Variants in OTOF observed in about 807,000 individuals in gnomAD.
OTOF encodes the protein otoferlin, also known as fer-1-like family member 2.
In OTOF, 218 loss-of-function variants were observed where a neutral mutation model predicts 236.8. The observed-to-expected ratio is 0.92, with a 90% CI of 0.82 to 1.03. The LOEUF (loss-of-function observed/expected upper bound fraction) is 1.03. OTOF is among the 50% of genes least tolerant of loss of function. OTOF has a pLI of 0.00. For missense variants in OTOF, 2,590 were observed against 2,694.4 expected, an observed-to-expected ratio of 0.96 and a Z score of 0.86; for synonymous variants, 1,041 against 1,072.5, an observed-to-expected ratio of 0.97 and a Z score of 0.57.
chr2:26,538,761 G>A lies in OTOF; in HGVS notation c.80-987C>T, dbSNP rs147739609. Among the ~76,000 whole-genome samples, 1,375 of 152,030 alleles carry A rather than the reference G, an allele frequency of 9.0e-3. 5 individuals carry two copies. Among genetic ancestry groups the A allele is most frequent in the Middle Eastern group, 0.014 (4 of 290 alleles). ...CACAGGCTCCCACCCACAGGTAGCT[G>A]ATGGTCTAGAAGGGAGGCCAGGAGC... On this transcript the variant is annotated intron_variant, in intron 1 of 46. Coordinates refer to ENST00000272371, the MANE Select transcript of OTOF (RefSeq NM_194248.3).
chr2:26,461,027 G>C lies in OTOF; in HGVS notation c.5537C>G (p.Ala1846Gly), dbSNP rs770709835. The C allele has an allele frequency of 3.7e-6, 5 of 1,357,658 alleles. No individual in the cohort carries two copies. Among genetic ancestry groups the C allele is most frequent in the Non-Finnish European group, 3.9e-6 (4 of 1,022,754 alleles). 84.1% of individuals were successfully genotyped at this position (1,357,658 alleles called of 1,614,324 possible). A position where few individuals can be genotyped will look rare whatever the true frequency, so the allele number is the denominator to read the frequency against. Reference protein sequence around the residue: ...DHFSADDFLGAIELDLNRFPR... With the variant: ...DHFSADDFLGGIELDLNRFPR... ...GAACCGGTTCAGGTCCAGCTCGATGGCCCCTGTGGCAACCTCAGTGTCAGC... is the reference window on the plus strand; with the variant it reads ...GAACCGGTTCAGGTCCAGCTCGATGCCCCCTGTGGCAACCTCAGTGTCAGC... The change falls in exon 44 of 47, where the codon GCC becomes GGC. Residue 1846 changes from alanine to glycine, a missense_variant. By Grantham distance (60) the Ala-to-Gly change is moderately conservative (BLOSUM62 0). This residue lies in a region of OTOF where 1,211 missense variants were observed against 1,352.8 expected (regional missense o/e 0.90). Transcript: ENST00000272371. This position sits in a 1 kb window ranked among gnomAD's most constrained non-coding sequence, Gnocchi z 6.2.
Position 26,458,087 on chromosome 2 carries a change from G to A in OTOF, c.*151C>T. 1 of 1,614,190 alleles carries A rather than the reference G, an allele frequency of 6.2e-7. No homozygotes were observed. The highest frequency in any genetic ancestry group is 8.5e-7 in the Non-Finnish European group (1 of 1,180,020). ...ACCATGTAGCCAGGGAGGCTGTAGA[G>A]GAAGAGCCCCAACATGAGCAGCCCC... On this transcript the variant is annotated 3_prime_UTR_variant, in exon 47 of 47. Transcript: ENST00000272371.
At chr2:26,487,676 C>G (rs13402294) in intron 11 of OTOF, among the ~76,000 whole-genome samples, 3,807 of 152,268 alleles carry the variant, frequency 0.025, 156 homozygotes, top group African/African-American at 0.085. Context: ...TTCTCCACCC[C>G]CTGACTTTCT....
chr2:26,548,555 C>T (rs1301241375), intron 1 of OTOF, among the ~76,000 whole-genome samples: 4 of 152,192 alleles, frequency 2.6e-5, no homozygotes, highest in African/African-American at 4.8e-5. Flanking sequence ...CTGAGCATTT[C>T]GTATACATTC....
intron 2 of OTOF, among the ~76,000 whole-genome samples, chr2:26,536,792 G>A (rs13033711): frequency 0.33 from 50,893 of 152,158 alleles, 10,459 homozygotes; most frequent in Admixed American, 0.5. Flanking sequence ...AGATGGTGAC[G>A]GATGACTGCT....
Position 26,475,930 on chromosome 2 carries a change from T to A in OTOF, c.2975A>T (p.Gln992Leu). 1 of 1,609,460 alleles carries A rather than the reference T, an allele frequency of 6.2e-7. No homozygotes were observed. The highest frequency in any genetic ancestry group is 1.1e-5 in the South Asian group (1 of 90,282). The part of the protein sequence containing the change: ...DPFARVFFIN[Q>L]SQCTEVLNET... Reference sequence around the variant, plus strand: ...GGCCCTCACCTCTGTGCACTGACTCTGATTGATGAAGAAGACGCGGGCAAA... The same window carrying A: ...GGCCCTCACCTCTGTGCACTGACTCAGATTGATGAAGAAGACGCGGGCAAA... The change falls in exon 24 of 47, where the codon CAG becomes CTG. Residue 992 changes from glutamine to leucine, a missense_variant. By Grantham distance (113) the Gln-to-Leu change is moderately radical. Transcript: ENST00000272371.
Position 26,470,512 on chromosome 2 carries a change from T to C in OTOF, c.4023+81A>G, listed in dbSNP as rs370953377. ...ATGAATGGAGTTGGGATCCAGCTCTTGGGGGCCGTGGGAAAGAAGCTGGAC... is the reference window on the plus strand; with the variant it reads ...ATGAATGGAGTTGGGATCCAGCTCTCGGGGGCCGTGGGAAAGAAGCTGGAC... On this transcript the variant is annotated intron_variant, in intron 32 of 46. Transcript: ENST00000272371. The surrounding 1 kb of genome is among the most constrained non-coding windows in gnomAD (Gnocchi z 4.3). The C allele has an allele frequency of 2.0e-4, 276 of 1,412,208 alleles. 3 individuals carry two copies. The South Asian group carries it at 3.0e-3, about 15-fold the overall frequency. The allele number at this position is 1,412,208 out of a possible 1,614,324, so 87.5% of individuals were successfully genotyped here. A position where few individuals can be genotyped will look rare whatever the true frequency, so the allele number is the denominator to read the frequency against.
chr2:26,534,416 G>A (rs1240790421), intron 2 of OTOF, among the ~76,000 whole-genome samples: 1 of 152,150 alleles, frequency 6.6e-6, no homozygotes, highest in Non-Finnish European at 1.5e-5. Context: ...TAGGTTAAAT[G>A]TAGGGGCTCA....
intron 3 of OTOF, among the ~76,000 whole-genome samples, chr2:26,524,763 G>A (rs192370512): frequency 2.0e-5 from 3 of 152,336 alleles, no homozygotes; most frequent in African/African-American, 7.2e-5. Flanking sequence ...GGATTAGGAA[G>A]AGAAGTTAAC....
chr2:26,480,908 C>T lies in OTOF; in HGVS notation c.1681G>A (p.Glu561Lys), dbSNP rs751835146. Residue 561 changes from glutamate (E) to lysine (K), a missense_variant, in exon 15 of 47, where the codon GAG becomes AAG. Transcript: ENST00000272371. ...EHQDLNEGLG[E>K]GVSFRARLLL... ...AGCCGGGCCCGGAAGGACACACCCTCCCCCAGGCCCTCGTTCAGGTCCTGA... is the reference window on the plus strand; with the variant it reads ...AGCCGGGCCCGGAAGGACACACCCTTCCCCAGGCCCTCGTTCAGGTCCTGA... 38 of 1,612,860 alleles carry T rather than the reference C, an allele frequency of 2.4e-5. No individual in the cohort carries two copies. Among genetic ancestry groups the T allele is most frequent in the Non-Finnish European group, 3.1e-5 (36 of 1,179,954 alleles).
intron 3 of OTOF, among the ~76,000 whole-genome samples, chr2:26,520,577 G>A (rs576751164): frequency 7.2e-5 from 11 of 152,274 alleles, no homozygotes; most frequent in African/African-American, 1.9e-4. Context: ...CTCTAAAGCC[G>A]AACTGGGCTT....
rs751495794 is a variant in OTOF, at chr2:26,480,183, C to T, written c.1912+20G>A. 1 of 1,495,826 alleles carries T rather than the reference C, an allele frequency of 6.7e-7. No homozygotes were observed. The highest frequency in any genetic ancestry group is 1.7e-5 in the Admixed American group (1 of 59,894). The allele number at this position is 1,495,826 out of a possible 1,614,324, so 92.7% of individuals were successfully genotyped here. ...CCAGCACTCACCTAGGCCCGAAGCC[C>T]CCGTGGGCCCAGCACTCACCTATGG... On this transcript the variant is annotated intron_variant, in intron 16 of 46. Coordinates refer to ENST00000272371, the MANE Select transcript of OTOF (RefSeq NM_194248.3).
chr2:26,550,750 C>CT (rs1667440861), intron 1 of OTOF, among the ~76,000 whole-genome samples: 1 of 152,222 alleles, frequency 6.6e-6, no homozygotes, highest in Non-Finnish European at 1.5e-5. Flanking sequence ...AGCCCTCCGC[C>CT]TGCCCCGGGC....
intron 11 of OTOF, 76 bp from the exon 12 acceptor site, chr2:26,484,709 G>C: frequency 6.6e-7 from 1 of 1,514,476 alleles, no homozygotes; most frequent in Non-Finnish European, 9.1e-7. Context: ...GCAGGCCAAG[G>C]GGTGGCAGAA....
In OTOF at chr2:26,463,507, T is replaced by G. The variant is rs1326892707; in HGVS notation, c.5168A>C (p.Asp1723Ala). Residue 1723 changes from aspartate to alanine, a missense_variant, in exon 41 of 47, where the codon GAC becomes GCC. Coordinates refer to ENST00000272371, the MANE Select transcript of OTOF (RefSeq NM_194248.3). ...MDMPAPGTPL[D>A]ISPRKPKKYE... ...CTTCTTGGGCTTCCGAGGTGAGATG[T>G]CCAGAGGCGTCCCAGGGGCTGGCAT... 3.7e-6 allele frequency: 6 copies of G among 1,607,510 alleles called. No individual in the cohort carries two copies. The East Asian group carries it at 1.3e-4, about 36-fold the overall frequency.
At chr2:26,535,156 C>G (rs1232204816) in intron 2 of OTOF, among the ~76,000 whole-genome samples, 1 of 152,134 alleles carries the variant, frequency 6.6e-6, no homozygotes, top group Non-Finnish European at 1.5e-5. Context: ...GAAATGGAGG[C>G]AGGGGGTGTG....
Position 26,462,042 on chromosome 2 carries a change from C to CCCCCCCCACAAG in OTOF, c.5291+40_5291+41insCTTGTGGGGGGG. Reference sequence around the variant, plus strand: ...CTCCTGCCCCCCGGGAAGCAAGCCCCACCCAGCTCAGTCCCTCCCATGCAG... The same window carrying CCCCCCCCACAAG: ...CTCCTGCCCCCCGGGAAGCAAGCCCCCCCCCCCACAAGACCCAGCTCAGTCCCTCCCATGCAG... On this transcript the variant is annotated intron_variant, in intron 42 of 46. Coordinates refer to ENST00000272371, the MANE Select transcript of OTOF (RefSeq NM_194248.3). This position sits in a 1 kb window ranked among gnomAD's most constrained non-coding sequence, Gnocchi z 4.7. The CCCCCCCCACAAG allele has an allele frequency of 6.2e-7, 1 of 1,608,586 alleles. No individual in the cohort carries two copies. Among genetic ancestry groups the CCCCCCCCACAAG allele is most frequent in the Non-Finnish European group, 8.5e-7 (1 of 1,175,270 alleles).
intron 1 of OTOF, among the ~76,000 whole-genome samples, chr2:26,556,065 A>C (rs1349189928): frequency 6.6e-6 from 1 of 152,194 alleles, no homozygotes; most frequent in African/African-American, 2.4e-5. Flanking sequence ...CACAGCACAG[A>C]AGGTCAAGCC....
chr2:26,463,475 C>T lies in OTOF; in HGVS notation c.5192+8G>A, dbSNP rs1270456748. The T allele has an allele frequency of 1.9e-6, 3 of 1,590,824 alleles. No homozygotes were observed. Among genetic ancestry groups the T allele is most frequent in the Middle Eastern group, 1.7e-4 (1 of 6,036 alleles). On this transcript the variant is annotated splice_region_variant and intron_variant, in intron 41 of 46. Coordinates refer to ENST00000272371, the MANE Select transcript of OTOF (RefSeq NM_194248.3). ...GAAGGGAGTAGCGCTGGGCCCCAGG[C>T]CGCTCACTTCTTGGGCTTCCGAGGT...
Sources: allele counts gnomAD v4.1 joint callset (sites outside exome capture counted in the v4.1 genomes callset), GRCh38; gene constraint gnomAD v4.1.1; regional missense constraint gnomAD v4.1.1; non-coding constraint Gnocchi (gnomAD v3.1); transcripts MANE v1.5; gene names NCBI Gene and HGNC (gene_info 2026-07-23, HGNC 2026-07-21).